The following MAN2A1 variants were observed in gnomAD, a reference collection of about 807,000 sequenced individuals.
MAN2A1 encodes mannosidase alpha class 2A member 1.
In MAN2A1, 76 loss-of-function variants were observed where a neutral mutation model predicts 142.6. The ratio of observed to expected loss-of-function variants is 0.53; its 90% CI spans 0.44 to 0.65. The LOEUF is 0.65. MAN2A1 is among the 30% of genes least tolerant of loss of function. The pLI is 0.00. For synonymous variants in MAN2A1, 559 were observed against 473.2 expected (o/e 1.18, Z -2.35); for missense variants, 1,311 against 1,365.1 (o/e 0.96, Z 0.62).
intron 5 of MAN2A1, among the ~76,000 whole-genome samples, chr5:109,762,968 A>G (rs905012497): frequency 1.3e-5 from 2 of 152,228 alleles, no homozygotes; most frequent in Admixed American, 6.5e-5. Flanking sequence ...AAAGGCTGCA[A>G]AAGCAGAAAT....
At chr5:109,713,920 C>A in intron 2 of MAN2A1, 146 bp downstream of exon 2, 1 of 684,050 alleles carries the variant, frequency 1.5e-6, no homozygotes, top group South Asian at 2.2e-5. Flanking sequence ...TGATTAGTCA[C>A]ATGAACATTA....
intron 1 of MAN2A1, among the ~76,000 whole-genome samples, chr5:109,697,385 A>G (rs1450503143): frequency 6.6e-6 from 1 of 152,154 alleles, no homozygotes; most frequent in Admixed American, 6.5e-5. Context: ...TCTAAATAGC[A>G]TTTTTTACGA....
intron 15 of MAN2A1, among the ~76,000 whole-genome samples, chr5:109,822,334 TAAA>T (rs1030152853): frequency 6.6e-6 from 1 of 152,162 alleles, no homozygotes. Flanking sequence ...TATTTATACT[TAAA>T]AAAGTAGTTG....
At chr5:109,849,083 G>A (rs1580315113) in intron 19 of MAN2A1, among the ~76,000 whole-genome samples, 2 of 152,164 alleles carry the variant, frequency 1.3e-5, no homozygotes, top group South Asian at 4.1e-4. Flanking sequence ...CTTCTATGGA[G>A]CTATGCAGTT....
intron 15 of MAN2A1, among the ~76,000 whole-genome samples, chr5:109,821,094 A>G (rs1399238840): frequency 1.3e-5 from 2 of 152,236 alleles, no homozygotes; most frequent in East Asian, 1.9e-4. Context: ...CAGAAACTAA[A>G]GAAAACATTA....
intron 10 of MAN2A1, among the ~76,000 whole-genome samples, chr5:109,785,867 G>T (rs989544217): frequency 7.2e-5 from 11 of 152,010 alleles, no homozygotes; most frequent in African/African-American, 2.7e-4. Context: ...TTAAAGAATA[G>T]ATTTTAAAAG....
At chr5:109,798,662 T>TTTTG (rs879750801) in intron 12 of MAN2A1, among the ~76,000 whole-genome samples, 32 of 151,922 alleles carry the variant, frequency 2.1e-4, no homozygotes, top group African/African-American at 7.3e-4. Context: ...TCATTCTGTG[T>TTTTG]TTTGTTTGTT....
intron 5 of MAN2A1, among the ~76,000 whole-genome samples, chr5:109,767,285 A>C (rs1222431653): frequency 1.3e-5 from 2 of 152,114 alleles, no homozygotes; most frequent in Non-Finnish European, 2.9e-5. Flanking sequence ...TGGCTAAAAG[A>C]TGGCAGTATT....
chr5:109,835,198 T>G (rs999631165), intron 16 of MAN2A1, among the ~76,000 whole-genome samples: 1 of 152,176 alleles, frequency 6.6e-6, no homozygotes, highest in Non-Finnish European at 1.5e-5. Context: ...TTTTATATTT[T>G]TGATGATTAA....
At chr5:109,818,733 A>C (rs1045872336) in intron 13 of MAN2A1, among the ~76,000 whole-genome samples, 4 of 152,232 alleles carry the variant, frequency 2.6e-5, no homozygotes, top group Non-Finnish European at 5.9e-5. Flanking sequence ...TCTAGAGTAC[A>C]GCCAAACAAT....
intron 12 of MAN2A1, among the ~76,000 whole-genome samples, chr5:109,814,951 C>G (rs949901583): frequency 6.6e-6 from 1 of 152,060 alleles, no homozygotes; most frequent in African/African-American, 2.4e-5. Context: ...TGCCTCAGGG[C>G]TACTACAGAA....
rs990872934 is a variant in MAN2A1 at position 109,804,131 on chromosome 5, AT to A, written c.1944-13134del. The A allele has an allele frequency of 2.7e-4, 264 of 984,944 alleles. 1 individual carries two copies. Among genetic ancestry groups the A allele is most frequent in the South Asian group, 7.5e-4 (16 of 21,324 alleles). The allele number at this position is 984,944 out of a possible 1,614,324, so 61.0% of individuals were successfully genotyped here. ...AAAGTCTTCCACTCTTCTGAACTAG[AT>A]TTTTTTTCCTTCTAAATGCAGATTA... On this transcript the variant is annotated intron_variant, in intron 12 of 21. Transcript: ENST00000261483.
At chr5:109,786,652 A>G (rs1204646241) in intron 10 of MAN2A1, among the ~76,000 whole-genome samples, 2 of 152,094 alleles carry the variant, frequency 1.3e-5, no homozygotes, top group South Asian at 2.1e-4. Context: ...AGTCATTAGC[A>G]CAGACATTTT....
intron 3 of MAN2A1, among the ~76,000 whole-genome samples, chr5:109,716,825 A>G (rs1435526667): frequency 6.6e-6 from 1 of 152,204 alleles, no homozygotes; most frequent in Admixed American, 6.5e-5. Flanking sequence ...GGATAGTAGT[A>G]TCTGTTTCAA....
rs536624085 is a variant in MAN2A1 at position 109,808,926 on chromosome 5, C to T, written c.1944-8347C>T. Among the ~76,000 whole-genome samples, 6 of 152,148 alleles carry T rather than the reference C, an allele frequency of 3.9e-5. No homozygotes were observed. In the East Asian group the frequency reaches 9.7e-4, roughly 25 times the overall value. On this transcript the variant is annotated intron_variant, in intron 12 of 21. Transcript: ENST00000261483. ...CCATGTTTGCCAGGCTGGTCTCGAA[C>T]TCCTTACCTCGGGTGATCTGCCTGC...
At chr5:109,706,543 T>C (rs1340043136) in intron 1 of MAN2A1, among the ~76,000 whole-genome samples, 6 of 152,204 alleles carry the variant, frequency 3.9e-5, no homozygotes, top group African/African-American at 1.4e-4. Context: ...GTGCGGAAAC[T>C]AGTATTGGAA....
At position 109,847,872 on chromosome 5, in the gene MAN2A1, A is replaced by C. The variant is rs544378923; in HGVS notation, c.2976+82A>C. On this transcript the variant is annotated intron_variant, in intron 19 of 21. Coordinates refer to ENST00000261483, the MANE Select transcript of MAN2A1 (RefSeq NM_002372.4). ...TGAAATTATGACTTTCCACTTTTAA[A>C]ATTTTAAAAATCATTTCCAATATTG... The C allele has an allele frequency of 2.6e-4, 286 of 1,092,838 alleles. 1 individual carries two copies. In the South Asian group the frequency reaches 7.5e-3, roughly 29 times the overall value. The allele number at this position is 1,092,838 out of a possible 1,614,324, so 67.7% of individuals were successfully genotyped here. A position where few individuals can be genotyped will look rare whatever the true frequency, so the allele number is the denominator to read the frequency against.
intron 4 of MAN2A1, among the ~76,000 whole-genome samples, chr5:109,749,193 A>G (rs1004661281): frequency 1.3e-5 from 2 of 152,260 alleles, no homozygotes; most frequent in Middle Eastern, 6.8e-3. Context: ...TGTCTGTAAC[A>G]ATTTCCCCAT....
intron 16 of MAN2A1, among the ~76,000 whole-genome samples, chr5:109,832,856 G>T (rs150426486): frequency 6.7e-6 from 1 of 148,460 alleles, no homozygotes; most frequent in Non-Finnish European, 1.5e-5. Context: ...CGGGCGGAGG[G>T]GCTCCTCACT....
Sources: allele counts gnomAD v4.1 joint callset (sites outside exome capture counted in the v4.1 genomes callset), GRCh38; gene constraint gnomAD v4.1.1; transcripts MANE v1.5; gene names NCBI Gene and HGNC (gene_info 2026-07-23, HGNC 2026-07-21).